The following SGPP2 variants were observed in gnomAD, a reference collection of about 807,000 sequenced individuals.
SGPP2 encodes the protein sphingosine-1-phosphate phosphatase 2.
A neutral mutation model predicts 33.9 loss-of-function variants in SGPP2; 30 were observed. The ratio of observed to expected loss-of-function variants is 0.89; its 90% CI spans 0.66 to 1.20. SGPP2 has a LOEUF of 1.20. Among genes scored for constraint, SGPP2 ranks in the 50% most tolerant of loss-of-function variants. The pLI is 0.00. For missense variants in SGPP2, 458 were observed against 532.1 expected, an observed-to-expected ratio of 0.86 and a Z score of 1.37; for synonymous variants, 233 against 225.0, an observed-to-expected ratio of 1.04 and a Z score of -0.32.
At chr2:222,470,259 G>T (rs1028353311) in intron 1 of SGPP2, among the ~76,000 whole-genome samples, 41 of 152,164 alleles carry the variant, frequency 2.7e-4, no homozygotes, top group Non-Finnish European at 1.5e-5. Context: ...ATCTGCACAT[G>T]TATCTCAGAA....
At chr2:222,451,507 A>G (rs1382358693) in intron 1 of SGPP2, among the ~76,000 whole-genome samples, 1 of 152,214 alleles carries the variant, frequency 6.6e-6, no homozygotes, top group African/African-American at 2.4e-5. Flanking sequence ...TGTGTGGCTG[A>G]CTGAGAAACT....
rs1298366903 is a variant in SGPP2, at chr2:222,460,270, A to G, written c.220-14298A>G. On this transcript the variant is annotated intron_variant, in intron 1 of 4. Transcript: ENST00000321276. This position sits in a 1 kb window ranked among gnomAD's most constrained non-coding sequence, Gnocchi z 4.3. ...GCGCCAAGGCCAAACACAGAAACCA[A>G]TTTTTATTCATCTTCCAGGATGGCC... Among the ~76,000 whole-genome samples, 1 of 152,134 alleles carries G rather than the reference A, an allele frequency of 6.6e-6. No homozygotes were observed. Among genetic ancestry groups the G allele is most frequent in the African/African-American group, 2.4e-5 (1 of 41,442 alleles).
chr2:222,555,102 A>C (rs1194088795), intron 4 of SGPP2, among the ~76,000 whole-genome samples: 1 of 152,126 alleles, frequency 6.6e-6, no homozygotes, highest in Non-Finnish European at 1.5e-5. Flanking sequence ...AAATAGAACC[A>C]TACAGTATGT....
chr2:222,461,962 C>T (rs543052778), intron 1 of SGPP2, among the ~76,000 whole-genome samples: 1 of 152,256 alleles, frequency 6.6e-6, no homozygotes, highest in South Asian at 2.1e-4. Flanking sequence ...CTTGGCTTTA[C>T]CTGTGTGAAA....
Position 222,562,212 on chromosome 2 carries a change from T to C in SGPP2, c.*3314T>C, listed in dbSNP as rs1307321062. ...GAATGACATGCCTTTTTCCTAATTGTCCACATTCCACCCCCAACCCACTGC... is the reference window on the plus strand; with the variant it reads ...GAATGACATGCCTTTTTCCTAATTGCCCACATTCCACCCCCAACCCACTGC... On this transcript the variant is annotated 3_prime_UTR_variant, in exon 5 of 5. Coordinates refer to ENST00000321276, the MANE Select transcript of SGPP2 (RefSeq NM_152386.4). Among the ~76,000 whole-genome samples the C allele has an allele frequency of 6.6e-6, 1 of 152,156 alleles. No homozygotes were observed. The highest frequency in any genetic ancestry group is 1.9e-4 in the East Asian group (1 of 5,194).
intron 2 of SGPP2, among the ~76,000 whole-genome samples, chr2:222,509,406 T>C (rs1342860909): frequency 6.6e-6 from 1 of 152,024 alleles, no homozygotes; most frequent in Non-Finnish European, 1.5e-5. Context: ...GATATACTAA[T>C]TTTGATAAGA....
chr2:222,473,798 C>T (rs1244234793), intron 1 of SGPP2, among the ~76,000 whole-genome samples: 1 of 151,970 alleles, frequency 6.6e-6, no homozygotes, highest in East Asian at 1.9e-4. Flanking sequence ...GTGGTGCATG[C>T]CTGTAATCCC....
At chr2:222,507,504 T>C (rs1028338842) in intron 2 of SGPP2, among the ~76,000 whole-genome samples, 1 of 152,252 alleles carries the variant, frequency 6.6e-6, no homozygotes, top group Non-Finnish European at 1.5e-5. Flanking sequence ...CTTTTAATAT[T>C]ATTTCTTAGT....
At chr2:222,546,967 C>A (rs1012104682) in intron 4 of SGPP2, among the ~76,000 whole-genome samples, 1 of 152,032 alleles carries the variant, frequency 6.6e-6, no homozygotes, top group Non-Finnish European at 1.5e-5. Context: ...GTCAGAAATG[C>A]GGACTCTCAG....
chr2:222,528,758 A>G (rs535026015), intron 4 of SGPP2, among the ~76,000 whole-genome samples: 20 of 152,312 alleles, frequency 1.3e-4, no homozygotes, highest in Admixed American at 5.9e-4. Context: ...CTGGGACTAC[A>G]GGCATGCACC....
chr2:222,537,670 C>A (rs1245143742), intron 4 of SGPP2, among the ~76,000 whole-genome samples: 2 of 152,114 alleles, frequency 1.3e-5, no homozygotes, highest in Non-Finnish European at 2.9e-5. Context: ...GTGATGCATA[C>A]CTCTTGACCC....
Position 222,482,398 on chromosome 2 carries a change from A to AATTG in SGPP2, c.378+7685_378+7688dup, listed in dbSNP as rs1326163578. Among the ~76,000 whole-genome samples, 14 of 152,146 alleles carry AATTG rather than the reference A, an allele frequency of 9.2e-5. No homozygotes were observed. In the South Asian group the frequency reaches 1.7e-3, roughly 18 times the overall value. ...TTTCTCAACTGTCTTTTATTTGATT[A>AATTG]ATTGATTGATTGATTGGAGACAGGG... is the stretch of plus-strand genomic sequence containing the variant. On this transcript the variant is annotated intron_variant, in intron 2 of 4. Transcript: ENST00000321276.
intron 1 of SGPP2, among the ~76,000 whole-genome samples, chr2:222,448,842 C>G (rs900463634): frequency 2.0e-5 from 3 of 152,150 alleles, no homozygotes; most frequent in Non-Finnish European, 2.9e-5. Flanking sequence ...AATATGGAAC[C>G]AGTCAGGCTC....
Position 222,474,576 on chromosome 2 carries a change from A to T in SGPP2, c.228A>T (p.Val76=), listed in dbSNP as rs1697899990. The T allele has an allele frequency of 6.2e-7, 1 of 1,613,748 alleles. No individual in the cohort carries two copies. Among genetic ancestry groups the T allele is most frequent in the Admixed American group, 1.7e-5 (1 of 59,984 alleles). The change falls in exon 2 of 5, where the codon GTA becomes GTT. Residue 76 remains valine, a synonymous_variant. Coordinates refer to ENST00000321276, the MANE Select transcript of SGPP2 (RefSeq NM_152386.4). ...TAACTTTTGTCTTTTAGGCTTATGT[A>T]CAGAAGTACGTCGTGAAGAATTATT... ...LRRAAAPEAY[V]QKYVVKNYFY...
intron 1 of SGPP2, among the ~76,000 whole-genome samples, chr2:222,456,789 C>T (rs989400359): frequency 1.1e-4 from 17 of 152,190 alleles, no homozygotes; most frequent in African/African-American, 3.6e-4. Context: ...CCCAGCTTCA[C>T]AACTCACAGC....
intron 4 of SGPP2, among the ~76,000 whole-genome samples, chr2:222,529,391 A>G (rs900387699): frequency 4.0e-5 from 6 of 151,848 alleles, no homozygotes; most frequent in African/African-American, 9.7e-5. Context: ...CTGGAGTGCA[A>G]TGGCGTGATG....
chr2:222,496,577 A>G (rs1233364093), intron 2 of SGPP2, among the ~76,000 whole-genome samples: 1 of 152,154 alleles, frequency 6.6e-6, no homozygotes, highest in East Asian at 1.9e-4. Context: ...TGTAATGTCT[A>G]AGCACCTTAA....
Position 222,559,094 on chromosome 2 carries a change from G to T in SGPP2, c.*196G>T, listed in dbSNP as rs1166830583. 9.2e-6 allele frequency: 5 copies of T among 544,232 alleles called. No homozygotes were observed. Among genetic ancestry groups the T allele is most frequent in the African/African-American group, 5.7e-5 (3 of 52,892 alleles). 33.7% of individuals were successfully genotyped at this position (544,232 alleles called of 1,614,324 possible). Reference sequence around the variant, plus strand: ...ATAGCGGTCATTGGTCGTCCGTGGTGGTTGGTTGTGCTACAGTTGAACCCA... The same window carrying T: ...ATAGCGGTCATTGGTCGTCCGTGGTTGTTGGTTGTGCTACAGTTGAACCCA... On this transcript the variant is annotated 3_prime_UTR_variant, in exon 5 of 5. Coordinates refer to ENST00000321276, the MANE Select transcript of SGPP2 (RefSeq NM_152386.4).
intron 4 of SGPP2, among the ~76,000 whole-genome samples, chr2:222,544,035 C>T (rs1689135192): frequency 6.6e-6 from 1 of 152,112 alleles, no homozygotes; most frequent in South Asian, 2.1e-4. Context: ...TCTTGCCTAT[C>T]ATATATTAGA....
Sources: allele counts gnomAD v4.1 joint callset (sites outside exome capture counted in the v4.1 genomes callset), GRCh38; gene constraint gnomAD v4.1.1; non-coding constraint Gnocchi (gnomAD v3.1); transcripts MANE v1.5; gene names NCBI Gene and HGNC (gene_info 2026-07-23, HGNC 2026-07-21).